SPTBN2: variants seen among roughly 807,000 people sequenced by gnomAD.
SPTBN2 encodes spectrin beta chain, non-erythrocytic 2.
In SPTBN2, 107 loss-of-function variants were observed where a neutral mutation model predicts 284.2. The ratio of observed to expected loss-of-function variants is 0.38; its 90% CI spans 0.32 to 0.44. The LOEUF (loss-of-function observed/expected upper bound fraction) is 0.44, where lower values mean the gene tolerates loss of function less well. Ranked by LOEUF, SPTBN2 falls within the 20% of genes least tolerant of loss-of-function variation. The pLI is 1.00. For missense variants in SPTBN2, 2,569 were observed against 3,287.1 expected, an observed-to-expected ratio of 0.78 and a Z score of 5.34; for synonymous variants, 1,289 against 1,354.8, an observed-to-expected ratio of 0.95 and a Z score of 1.07.
In SPTBN2 at chr11:66,707,614, T is replaced by A; in HGVS notation, c.1555A>T (p.Met519Leu). The A allele has an allele frequency of 6.2e-7, 1 of 1,611,182 alleles. No homozygotes were observed. ...VARLWDFLRQMVAARRERLLL... is the reference protein window; with the variant it reads ...VARLWDFLRQLVAARRERLLL... ...AGCCGCTCCCGCCGGGCGGCCACCA[T>A]CTGCCGCAAGAAGTCCCAGAGCCGT... Residue 519 changes from methionine (M) to leucine (L), a missense_variant, in exon 13 of 38, where the codon ATG becomes TTG. Transcript: ENST00000533211. The surrounding 1 kb of genome is among the most constrained non-coding windows in gnomAD (Gnocchi z 4.9).
chr11:66,731,688 G>A (rs998615810), upstream of SPTBN2, among the ~76,000 whole-genome samples: 6 of 152,118 alleles, frequency 3.9e-5, no homozygotes, highest in South Asian at 2.1e-4. Context: ...AAGAAGCCCC[G>A]ACTTCCCTCC....
chr11:66,697,431 C>A (rs1310163238), intron 20 of SPTBN2, among the ~76,000 whole-genome samples: 2 of 152,160 alleles, frequency 1.3e-5, no homozygotes, highest in Admixed American at 1.3e-4. Context: ...GAAGCACACG[C>A]ATGTGGTGGT....
chr11:66,709,724 T>A (rs1941757281), intron 10 of SPTBN2, among the ~76,000 whole-genome samples: 1 of 152,246 alleles, frequency 6.6e-6, no homozygotes, highest in South Asian at 2.1e-4. Flanking sequence ...TTTTCTGGAC[T>A]AATATTAGTT....
In SPTBN2 at chr11:66,685,776, C is replaced by T. The variant is rs1277989972; in HGVS notation, c.*95G>A. The T allele has an allele frequency of 3.4e-6, 4 of 1,193,496 alleles. No individual in the cohort carries two copies. Among genetic ancestry groups the T allele is most frequent in the Non-Finnish European group, 3.7e-6 (3 of 806,820 alleles). 73.9% of individuals were successfully genotyped at this position (1,193,496 alleles called of 1,614,324 possible). ...TGACCTTGGCAACAGACCCTAGCAG[C>T]AGGCAGTTGTCCTGACAAGAGGGCG... On this transcript the variant is annotated 3_prime_UTR_variant, in exon 38 of 38. Transcript: ENST00000533211. This position sits in a 1 kb window ranked among gnomAD's most constrained non-coding sequence, Gnocchi z 4.4.
chr11:66,687,143 G>A lies in SPTBN2; in HGVS notation c.6747C>T (p.Val2249=). ...ANRSWQNVYC[V]LRRGSLGFYK... ...AAAAGCCGAGGCTCCCACGCCGCAGGACACAGTACACGTTCTGCCAGGACC... is the reference window on the plus strand; with the variant it reads ...AAAAGCCGAGGCTCCCACGCCGCAGAACACAGTACACGTTCTGCCAGGACC... The change falls in exon 36 of 38, where the codon GTC becomes GTT. Residue 2249 remains valine, a synonymous_variant. Transcript: ENST00000533211. This position sits in a 1 kb window ranked among gnomAD's most constrained non-coding sequence, Gnocchi z 5.2. 1 of 1,614,010 alleles carries A rather than the reference G, an allele frequency of 6.2e-7. No homozygotes were observed. The highest frequency in any genetic ancestry group is 1.1e-5 in the South Asian group (1 of 91,090).
At chr11:66,719,302 G>A (rs997707565) in intron 3 of SPTBN2, among the ~76,000 whole-genome samples, 2 of 152,194 alleles carry the variant, frequency 1.3e-5, no homozygotes, top group African/African-American at 4.8e-5. Context: ...GGCCCACCAG[G>A]GCCATCCTCC....
At position 66,703,935 on chromosome 11, in the gene SPTBN2, T is replaced by C. The variant is rs186241709; in HGVS notation, c.2678+663A>G. Among the ~76,000 whole-genome samples the C allele has an allele frequency of 5.3e-5, 8 of 151,916 alleles. No homozygotes were observed. In the South Asian group the frequency reaches 8.3e-4, roughly 16 times the overall value. On this transcript the variant is annotated intron_variant, in intron 15 of 37. Coordinates refer to ENST00000533211, the MANE Select transcript of SPTBN2 (RefSeq NM_006946.4). The stretch of plus-strand genomic sequence containing the variant: ...GTCCACACAGACAATTTGAAAATAA[T>C]ATATTGTAGGTAAGAATGCTTCCTC...
chr11:66,694,020 G>T, intron 22 of SPTBN2, 119 bp downstream of exon 22: 1 of 1,370,724 alleles, frequency 7.3e-7, no homozygotes, highest in Non-Finnish European at 1.0e-6. Flanking sequence ...TAGGGGAGAT[G>T]GTCAATGCCA....
chr11:66,700,858 G>C lies in SPTBN2; in HGVS notation c.3241C>G (p.Leu1081Val). 2 of 1,600,108 alleles carry C rather than the reference G, an allele frequency of 1.2e-6. No individual in the cohort carries two copies. Among genetic ancestry groups the C allele is most frequent in the Non-Finnish European group, 1.7e-6 (2 of 1,179,836 alleles). Reference sequence around the variant, plus strand: ...GCCACAGCAGTCTGAGTGCGGCCTAGCCAGGCCTGGAAGTCATCCAAGCTG... The same window carrying C: ...GCCACAGCAGTCTGAGTGCGGCCTACCCAGGCCTGGAAGTCATCCAAGCTG... ...LRSLDDFQAW[L>V]GRTQTAVASE... Residue 1081 changes from leucine to valine, a missense_variant, in exon 17 of 38, where the codon CTA (leucine) becomes GTA (valine). Leu to Val is a conservative substitution (Grantham distance 32). Transcript: ENST00000533211. The surrounding 1 kb of genome is among the most constrained non-coding windows in gnomAD (Gnocchi z 6.6).
chr11:66,732,984 A>G (rs1942824551), upstream of SPTBN2, among the ~76,000 whole-genome samples: 1 of 140,472 alleles, frequency 7.1e-6, no homozygotes, highest in Non-Finnish European at 1.5e-5. Flanking sequence ...AACCAACCAA[A>G]AAAAAAAAAA....
intron 18 of SPTBN2, 29 bp from the exon 19 acceptor site, chr11:66,699,111 G>C (rs777595480): frequency 6.2e-7 from 1 of 1,613,604 alleles, no homozygotes; most frequent in Non-Finnish European, 8.5e-7. Context: ...GTGAAACTCT[G>C]GAATTTGCTG....
In SPTBN2 at chr11:66,710,900, C is replaced by T; in HGVS notation, c.885+17G>A. 1 of 1,613,550 alleles carries T rather than the reference C, an allele frequency of 6.2e-7. No homozygotes were observed. Among genetic ancestry groups the T allele is most frequent in the South Asian group, 1.1e-5 (1 of 91,072 alleles). On this transcript the variant is annotated intron_variant, in intron 9 of 37. Coordinates refer to ENST00000533211, the MANE Select transcript of SPTBN2 (RefSeq NM_006946.4). The surrounding 1 kb of genome is among the most constrained non-coding windows in gnomAD (Gnocchi z 4.9). The stretch of plus-strand genomic sequence containing the variant: ...GGGCCTCCTCTGGCCTTTATGCCTA[C>T]TGCCCATGGACAGTACCTTGCCAAT...
At position 66,693,864 on chromosome 11, in the gene SPTBN2, G is replaced by A; in HGVS notation, c.4504-3C>T. The A allele has an allele frequency of 6.2e-7, 1 of 1,613,530 alleles. No homozygotes were observed. The highest frequency in any genetic ancestry group is 8.5e-7 in the Non-Finnish European group (1 of 1,179,712). On this transcript the variant is annotated splice_region_variant and splice_polypyrimidine_tract_variant and intron_variant, in intron 22 of 37. Coordinates refer to ENST00000533211, the MANE Select transcript of SPTBN2 (RefSeq NM_006946.4). This position sits in a 1 kb window ranked among gnomAD's most constrained non-coding sequence, Gnocchi z 5.7. ...GGCAGCCGCTCTGTCACCCACAACT[G>A]GAAGAGGAAGAGGGGGTCAGTGGAG...
rs772213139 is a variant in SPTBN2 at position 66,692,708 on chromosome 11, T to A, written c.5018A>T (p.Asp1673Val). The A allele has an allele frequency of 1.3e-5, 21 of 1,603,494 alleles. No individual in the cohort carries two copies. The highest frequency in any genetic ancestry group is 1.6e-5 in the Non-Finnish European group (19 of 1,179,944). ...TRISIRQAQVDKLYAGLKELA... is the reference protein window; with the variant it reads ...TRISIRQAQVVKLYAGLKELA... ...CTCCTTCAGGCCGGCATACAGCTTG[T>A]CCACCTGGGCTTGGCGGATGGATAT... Residue 1673 changes from aspartate (D) to valine (V), a missense_variant, in exon 26 of 38, where the codon GAC (aspartate) becomes GTC (valine). Coordinates refer to ENST00000533211, the MANE Select transcript of SPTBN2 (RefSeq NM_006946.4).
chr11:66,710,788 G>C lies in SPTBN2; in HGVS notation c.886-19C>G, dbSNP rs1261986387. ...CCAGCACCTGGGAGGCAGAAGACAG[G>C]GACGTGACAGTCCCAGCCACAGGGT... On this transcript the variant is annotated intron_variant, in intron 9 of 37. Transcript: ENST00000533211. The surrounding 1 kb of genome is among the most constrained non-coding windows in gnomAD (Gnocchi z 4.9). The C allele has an allele frequency of 1.2e-6, 2 of 1,613,514 alleles. No homozygotes were observed. Among genetic ancestry groups the C allele is most frequent in the Admixed American group, 3.3e-5 (2 of 60,028 alleles).
chr11:66,692,650 C>T lies in SPTBN2; in HGVS notation c.5076G>A (p.Glu1692=), dbSNP rs753824883. The T allele has an allele frequency of 1.2e-6, 2 of 1,604,896 alleles. No individual in the cohort carries two copies. The highest frequency in any genetic ancestry group is 1.3e-5 in the African/African-American group (1 of 75,068). Residue 1692 remains glutamate (E), a synonymous_variant, in exon 26 of 38, where the codon GAG becomes GAA. Transcript: ENST00000533211. ...GGCGGAGCTGGCACAGCCGGAGGTG[C>T]TCCTGCAGGCGCTCCCGCCGCTCTC... ...LAGERRERLQ[E]HLRLCQLRRE...
chr11:66,686,869 G>A, intron 36 of SPTBN2, 125 bp downstream of exon 36: 1 of 1,282,558 alleles, frequency 7.8e-7, no homozygotes, highest in Middle Eastern at 1.8e-4. Flanking sequence ...ATCCCCAAGT[G>A]GCTGGCCTGG....
At position 66,700,780 on chromosome 11, in the gene SPTBN2, G is replaced by T; in HGVS notation, c.3319C>A (p.His1107Asn). 6.2e-7 allele frequency: 1 copy of T among 1,601,782 alleles called. No homozygotes were observed. Among genetic ancestry groups the T allele is most frequent in the Non-Finnish European group, 8.5e-7 (1 of 1,179,806 alleles). ...LPEAEALLAQ[H>N]AALRGEVERA... The stretch of plus-strand genomic sequence containing the variant: ...TCCACCTCTCCCCGCAGGGCTGCAT[G>T]TTGGGCCAGGAGGGCCTCTGCCTCA... Residue 1107 changes from histidine to asparagine, a missense_variant, in exon 17 of 38, where the codon CAT (histidine) becomes AAT (asparagine). Physicochemically the swap from His to Asn is moderately conservative, Grantham distance 68 (BLOSUM62 1). This residue lies in a region of SPTBN2 where 1,012 missense variants were observed against 1,248.9 expected (regional missense o/e 0.81). Coordinates refer to ENST00000533211, the MANE Select transcript of SPTBN2 (RefSeq NM_006946.4). This position sits in a 1 kb window ranked among gnomAD's most constrained non-coding sequence, Gnocchi z 6.6.
chr11:66,701,080 C>T lies in SPTBN2; in HGVS notation c.3019G>A (p.Asp1007Asn), dbSNP rs749305403. ...LQRKLAGTER[D>N]LEAIAARVGE... is the part of the protein sequence containing the mutation. The stretch of plus-strand genomic sequence containing the variant: ...ACCCGGGCGGCGATGGCCTCCAGGT[C>T]CCGCTCCGTGCCGGCCAGCTTGCGC... Residue 1007 changes from aspartate to asparagine, a missense_variant, in exon 17 of 38, where the codon GAC (aspartate) becomes AAC (asparagine). By Grantham distance (23) the Asp-to-Asn change is conservative. Around this residue, in one of 6 missense-constraint regions of SPTBN2, gnomAD observed 1,012 missense variants for 1,248.9 expected, o/e 0.81. Transcript: ENST00000533211. 1 of 1,611,970 alleles carries T rather than the reference C, an allele frequency of 6.2e-7. No homozygotes were observed.
Sources: gnomAD v4.1 joint callset for allele counts (sites outside exome capture counted in the v4.1 genomes callset) on GRCh38, gnomAD v4.1.1 for gene constraint, gnomAD v4.1.1 regional missense constraint, Gnocchi (gnomAD v3.1) non-coding constraint, MANE v1.5 for transcripts, NCBI Gene and HGNC (gene_info 2026-07-23, HGNC 2026-07-21) for gene names.